The following RGS8 variants were observed in gnomAD, a reference collection of about 807,000 sequenced individuals.
RGS8 encodes regulator of G protein signaling 8.
In RGS8, 8 loss-of-function variants were observed where a neutral mutation model predicts 21.7. The ratio of observed to expected loss-of-function variants is 0.37; its 90% confidence interval spans 0.22 to 0.66. The LOEUF (loss-of-function observed/expected upper bound fraction) is 0.66, where lower values mean the gene tolerates loss of function less well. Ranked by LOEUF, RGS8 falls within the 30% of genes least tolerant of loss-of-function variation. The pLI is 0.59. For missense variants in RGS8, 157 were observed against 217.9 expected, an observed-to-expected ratio of 0.72 and a Z score of 1.76; for synonymous variants, 80 against 83.6, an observed-to-expected ratio of 0.96 and a Z score of 0.24.
chr1:182,669,673 C>A (rs745707370), exon 3 of RGS8: 19 of 1,614,010 alleles, frequency 1.2e-5, no homozygotes, highest in Non-Finnish European at 1.6e-5. Flanking sequence ...TACGGTTAAC[C>A]CTTGGGCTGG....
In RGS8 at chr1:182,679,735, G is replaced by T. The variant is rs576433006; in HGVS notation, n.221+4621C>A. 1.1e-4 allele frequency among the ~76,000 whole-genome samples: 16 copies of T among 152,110 alleles called. No individual in the cohort carries two copies. In the East Asian group the frequency reaches 2.9e-3, roughly 28 times the overall value. The stretch of plus-strand genomic sequence containing the variant: ...CAGATATCCTACAGGCCTAACAACT[G>T]CAAATATATCTAAATAATGGACACA... On this transcript the variant is annotated intron_variant and non_coding_transcript_variant, in intron 1 of 4. Coordinates refer to the RGS8 transcript ENST00000515211.
chr1:182,694,767 C>T, the RGS8 span, among the ~76,000 whole-genome samples: 1 of 149,154 alleles, frequency 6.7e-6, no homozygotes, highest in Non-Finnish European at 1.5e-5. Flanking sequence ...GAGATAGAGC[C>T]ACTGCACTCC....
chr1:182,745,660 A>G, the RGS8 span, among the ~76,000 whole-genome samples: 3 of 152,212 alleles, frequency 2.0e-5, no homozygotes, highest in African/African-American at 7.2e-5. Context: ...TTGTTAAACC[A>G]TTTGTCATAT....
At chr1:182,706,587 C>T in the RGS8 span, among the ~76,000 whole-genome samples, 1 of 152,104 alleles carries the variant, frequency 6.6e-6, no homozygotes, top group East Asian at 1.9e-4. Flanking sequence ...GTGCCTTAGC[C>T]TCCCAAGTAG....
At chr1:182,700,792 C>G in the RGS8 span, among the ~76,000 whole-genome samples, 1 of 152,204 alleles carries the variant, frequency 6.6e-6, no homozygotes, top group Non-Finnish European at 1.5e-5. Context: ...TTCAAAAGGA[C>G]TCTTACAATC....
intron 5 of RGS8, among the ~76,000 whole-genome samples, chr1:182,657,058 G>A (rs571654361): frequency 2.6e-5 from 4 of 152,290 alleles, no homozygotes; most frequent in Admixed American, 2.0e-4. Context: ...TGGCAGCAGC[G>A]GGCTTCTGTG....
chr1:182,716,322 C>A, the RGS8 span, among the ~76,000 whole-genome samples: 1 of 152,020 alleles, frequency 6.6e-6, no homozygotes, highest in Admixed American at 6.5e-5. Context: ...GAAGGGGTTT[C>A]ACTGTGTTGC....
the RGS8 span, among the ~76,000 whole-genome samples, chr1:182,732,644 T>A: frequency 1.3e-5 from 2 of 152,320 alleles, no homozygotes; most frequent in East Asian, 3.9e-4. Flanking sequence ...AGTGTAATAG[T>A]GACCATTATG....
At chr1:182,675,250 C>A (rs947418092), upstream of RGS8, among the ~76,000 whole-genome samples, 3 of 152,182 alleles carry the variant, frequency 2.0e-5, no homozygotes, top group African/African-American at 7.2e-5. Flanking sequence ...TTTCTGGCTT[C>A]TTTTTCTCCA....
At chr1:182,649,987 C>T (rs115692626) in intron 5 of RGS8, among the ~76,000 whole-genome samples, 4,018 of 151,388 alleles carry the variant, frequency 0.027, 181 homozygotes, top group African/African-American at 0.089. Flanking sequence ...TTCCGACTCA[C>T]TGCAACCTGT....
chr1:182,746,578 A>G, the RGS8 span, among the ~76,000 whole-genome samples: 90,747 of 151,444 alleles, frequency 0.6, 27,285 homozygotes, highest in Non-Finnish European at 0.62. Flanking sequence ...CTTGAACTCA[A>G]AAGGCAGAGG....
the RGS8 span, among the ~76,000 whole-genome samples, chr1:182,701,343 G>C: frequency 6.6e-6 from 1 of 152,126 alleles, no homozygotes; most frequent in Non-Finnish European, 1.5e-5. Flanking sequence ...CTTCAATATT[G>C]TTATCCAACC....
the RGS8 span, among the ~76,000 whole-genome samples, chr1:182,701,947 A>G: frequency 6.6e-6 from 1 of 152,226 alleles, no homozygotes; most frequent in African/African-American, 2.4e-5. Context: ...GACGCTGGTG[A>G]GGCTGCAGAG....
At chr1:182,665,455 A>T (rs1295325) in intron 5 of RGS8, among the ~76,000 whole-genome samples, 12,137 of 152,282 alleles carry the variant, frequency 0.08, 1,235 homozygotes, top group African/African-American at 0.24. Context: ...ATACTCAGTA[A>T]GAAATTGAGG....
At chr1:182,737,285 TAAA>T in the RGS8 span, among the ~76,000 whole-genome samples, 1 of 149,238 alleles carries the variant, frequency 6.7e-6, no homozygotes, top group Non-Finnish European at 1.5e-5. Context: ...ATCTCATAGG[TAAA>T]AAAAAAAAAT....
chr1:182,666,797 C>T (rs1663885254), intron 4 of RGS8, 75 bp downstream of exon 5: 3 of 1,086,860 alleles, frequency 2.8e-6, no homozygotes, highest in Admixed American at 3.4e-5. Flanking sequence ...CTCATCTGGT[C>T]AGCATCTCAC....
At chr1:182,643,336 C>CCG (rs1453175422), downstream of RGS8, 21 of 136,162 alleles carry the variant, frequency 1.5e-4, 1 homozygote, top group African/African-American at 6.0e-4. Flanking sequence ...CCCCCGCCCC[C>CCG]GCGCTGTGTT....
the RGS8 span, among the ~76,000 whole-genome samples, chr1:182,700,098 G>T: frequency 2.0e-5 from 3 of 152,056 alleles, no homozygotes; most frequent in Non-Finnish European, 4.4e-5. Flanking sequence ...ATAACAATGC[G>T]CCCCAGAGCC....
At chr1:182,716,289 C>A in the RGS8 span, among the ~76,000 whole-genome samples, 1 of 151,850 alleles carries the variant, frequency 6.6e-6, no homozygotes, top group Non-Finnish European at 1.5e-5. Flanking sequence ...CCATGCCTGG[C>A]TAATTTTTTG....
Sources: allele counts gnomAD v4.1 joint callset (sites outside exome capture counted in the v4.1 genomes callset), GRCh38; gene constraint gnomAD v4.1.1; transcripts MANE v1.5; gene names NCBI Gene and HGNC (gene_info 2026-07-23, HGNC 2026-07-21).